Variants in ZNF423 observed in about 807,000 individuals in gnomAD.
ZNF423 encodes the protein Ebf-associated zinc finger protein.
Under a neutral mutation model 95.8 loss-of-function variants are expected in ZNF423, and 12 were observed. That is an observed-to-expected ratio of 0.13 (90% CI 0.08 to 0.20). The LOEUF (loss-of-function observed/expected upper bound fraction) is 0.20. Ranked by LOEUF, ZNF423 falls within the 10% of genes least tolerant of loss-of-function variation. The probability of loss-of-function intolerance (pLI) is 1.00; values close to 1 mark genes in which losing one functional copy is unlikely to be tolerated. For synonymous variants in ZNF423, 749 were observed against 711.9 expected (o/e 1.05, Z -0.83); for missense variants, 1,316 against 1,737.1 (o/e 0.76, Z 4.31).
chr16:49,513,722 G>A (rs527697570), intron 7 of ZNF423, among the ~76,000 whole-genome samples: 81 of 152,268 alleles, frequency 5.3e-4, no homozygotes, highest in Non-Finnish European at 1.0e-3. Context: ...ACTCACGTCA[G>A]AGTGGAGAGT....
At chr16:49,732,811 C>A (rs771433024) in intron 2 of ZNF423, among the ~76,000 whole-genome samples, 32 of 152,242 alleles carry the variant, frequency 2.1e-4, no homozygotes, top group Non-Finnish European at 3.5e-4. Flanking sequence ...CATCAAGAAC[C>A]TGGGAACACA....
intron 5 of ZNF423, among the ~76,000 whole-genome samples, chr16:49,593,987 G>A (rs1176269874): frequency 2.0e-5 from 3 of 152,206 alleles, no homozygotes; most frequent in African/African-American, 7.2e-5. Flanking sequence ...AGGAGAACAG[G>A]AGGAAATGTT....
intron 3 of ZNF423, among the ~76,000 whole-genome samples, chr16:49,663,830 C>G (rs989851593): frequency 3.3e-5 from 5 of 152,154 alleles, no homozygotes; most frequent in South Asian, 2.1e-4. Context: ...ATCCCCATGC[C>G]GCAGGGCCCC....
At chr16:49,616,239 T>G (rs1971870489) in intron 5 of ZNF423, among the ~76,000 whole-genome samples, 1 of 152,208 alleles carries the variant, frequency 6.6e-6, no homozygotes, top group African/African-American at 2.4e-5. Flanking sequence ...AAATGTCCCA[T>G]GTTCTCACTC....
intron 5 of ZNF423, among the ~76,000 whole-genome samples, chr16:49,548,456 G>A (rs991596951): frequency 1.2e-4 from 18 of 152,130 alleles, no homozygotes; most frequent in African/African-American, 1.9e-4. Flanking sequence ...AATCTGATGC[G>A]GATTTAGAAC....
chr16:49,644,759 T>C (rs1221308185), intron 3 of ZNF423, among the ~76,000 whole-genome samples: 1 of 144,792 alleles, frequency 6.9e-6, no homozygotes, highest in Non-Finnish European at 1.5e-5. Flanking sequence ...TCCATCCCAG[T>C]CCTCAGGGCC....
intron 3 of ZNF423, among the ~76,000 whole-genome samples, chr16:49,662,396 A>G (rs1399233060): frequency 2.0e-5 from 3 of 152,136 alleles, no homozygotes; most frequent in African/African-American, 4.8e-5. Context: ...TCTGACTCCA[A>G]CCATCCTCCA....
intron 3 of ZNF423, among the ~76,000 whole-genome samples, chr16:49,643,817 A>G (rs1973065580): frequency 1.3e-5 from 2 of 152,186 alleles, no homozygotes; most frequent in African/African-American, 4.8e-5. Flanking sequence ...AAACAAGCAT[A>G]AAAGAGGAGA....
chr16:49,498,460 G>T (rs1010780844), intron 7 of ZNF423, among the ~76,000 whole-genome samples: 1 of 152,248 alleles, frequency 6.6e-6, no homozygotes, highest in Non-Finnish European at 1.5e-5. Context: ...TGGAGAGGAA[G>T]GCGGGGGCCT....
chr16:49,822,109 C>T (rs911897032), intron 1 of ZNF423, among the ~76,000 whole-genome samples: 1 of 152,032 alleles, frequency 6.6e-6, no homozygotes, highest in African/African-American at 2.4e-5. Flanking sequence ...TCTCCTGATA[C>T]AGGAGACTGT....
At chr16:49,819,250 A>C (rs2034903453) in intron 1 of ZNF423, among the ~76,000 whole-genome samples, 1 of 35,092 alleles carries the variant, frequency 2.8e-5, no homozygotes, top group Non-Finnish European at 7.3e-5. Flanking sequence ...ATTCCGTCTC[A>C]AAAAAAAAAA....
At chr16:49,702,788 G>T (rs192343123) in intron 3 of ZNF423, among the ~76,000 whole-genome samples, 1 of 152,348 alleles carries the variant, frequency 6.6e-6, no homozygotes, top group Non-Finnish European at 1.5e-5. Context: ...GGGGCCCTGG[G>T]GAGGCTGGCT....
intron 5 of ZNF423, among the ~76,000 whole-genome samples, chr16:49,526,253 C>T (rs1968607117): frequency 6.6e-6 from 1 of 152,202 alleles, no homozygotes; most frequent in Admixed American, 6.5e-5. Flanking sequence ...ATGGAAGATA[C>T]TGCACCAAAC....
chr16:49,631,081 G>C (rs954161658), intron 4 of ZNF423, among the ~76,000 whole-genome samples: 1 of 152,046 alleles, frequency 6.6e-6, no homozygotes, highest in Non-Finnish European at 1.5e-5. Context: ...GAGAAGCAGG[G>C]CCATCCACAT....
intron 3 of ZNF423, among the ~76,000 whole-genome samples, chr16:49,702,454 T>C (rs1476800002): frequency 6.6e-6 from 1 of 152,134 alleles, no homozygotes; most frequent in Non-Finnish European, 1.5e-5. Context: ...GGCCCTTGTA[T>C]CCCTGCCGAG....
chr16:49,790,817 C>T (rs1372891981), intron 1 of ZNF423, among the ~76,000 whole-genome samples: 2 of 152,200 alleles, frequency 1.3e-5, no homozygotes, highest in Admixed American at 1.3e-4. Flanking sequence ...GGTACCTAAG[C>T]CATAGGGCTG....
At chr16:49,854,861 C>CA (rs1021967466) in intron 1 of ZNF423, 12 of 985,392 alleles carry the variant, frequency 1.2e-5, no homozygotes, top group Non-Finnish European at 1.4e-5. Flanking sequence ...CAGCTCCCCA[C>CA]AAACGCGCGC....
chr16:49,813,113 G>A (rs1425114161), intron 1 of ZNF423, among the ~76,000 whole-genome samples: 1 of 152,008 alleles, frequency 6.6e-6, no homozygotes, highest in East Asian at 1.9e-4. Context: ...GGGGCTTTGG[G>A]GAAGTTCTTG....
chr16:49,810,145 G>A (rs12597606), intron 1 of ZNF423, among the ~76,000 whole-genome samples: 27,871 of 152,004 alleles, frequency 0.18, 3,167 homozygotes, highest in African/African-American at 0.32. Context: ...GGTCGGGGAG[G>A]CTGGGGGAGT....
Sources: gnomAD v4.1 joint callset for allele counts (sites outside exome capture counted in the v4.1 genomes callset) on GRCh38, gnomAD v4.1.1 for gene constraint, MANE v1.5 for transcripts, NCBI Gene and HGNC (gene_info 2026-07-23, HGNC 2026-07-21) for gene names.